Variants in CTNNA3 observed in about 807,000 individuals in gnomAD.
The protein encoded by CTNNA3 is catenin alpha 3.
Under a neutral mutation model 95.7 loss-of-function variants are expected in CTNNA3, and 76 were observed. That is an observed-to-expected ratio of 0.79 (90% CI 0.66 to 0.96). CTNNA3 has a LOEUF of 0.96. CTNNA3 is among the 40% of genes least tolerant of loss of function. The pLI is 0.00. For synonymous variants in CTNNA3, 431 were observed against 374.4 expected, an observed-to-expected ratio of 1.15 and a Z score of -1.74; for missense variants, 1,191 against 1,089.8, an observed-to-expected ratio of 1.09 and a Z score of -1.31.
At chr10:66,361,193 C>G (rs2092671760) in intron 12 of CTNNA3, among the ~76,000 whole-genome samples, 2 of 150,568 alleles carry the variant, frequency 1.3e-5, no homozygotes, top group South Asian at 2.1e-4. Context: ...GGTCTCGAAC[C>G]CCTGGGCTCA....
rs568787703 is a variant in CTNNA3 at position 66,872,056 on chromosome 10, A to G, written c.1048-96532T>C. ...ATTCATTTTATAGCCCAATGAAAAT[A>G]GGTGATTTTATAACAAAACCCTCCG... On this transcript the variant is annotated intron_variant, in intron 7 of 17. Transcript: ENST00000433211. 3.5e-4 allele frequency among the ~76,000 whole-genome samples: 54 copies of G among 152,368 alleles called. 1 individual carries two copies. Among genetic ancestry groups the G allele is most frequent in the African/African-American group, 1.2e-3 (49 of 41,592 alleles).
intron 7 of CTNNA3, among the ~76,000 whole-genome samples, chr10:66,931,192 T>TAA (rs3056552): frequency 0.53 from 62,575 of 118,432 alleles, 18,182 homozygotes; most frequent in Non-Finnish European, 0.64. Flanking sequence ...TGACAACAGT[T>TAA]AAAAAAAAAA....
intron 11 of CTNNA3, among the ~76,000 whole-genome samples, chr10:66,475,961 C>T (rs574102567): frequency 4.6e-5 from 7 of 152,144 alleles, no homozygotes; most frequent in East Asian, 1.9e-4. Context: ...ATGGAATCAA[C>T]GCAAATGCCA....
chr10:66,338,189 C>G (rs186285914), intron 12 of CTNNA3, among the ~76,000 whole-genome samples: 1 of 151,878 alleles, frequency 6.6e-6, no homozygotes, highest in Non-Finnish European at 1.5e-5. Flanking sequence ...AAGTGAGAGA[C>G]GCCAGTCACA....
chr10:66,814,232 A>T (rs1453225204), intron 7 of CTNNA3, among the ~76,000 whole-genome samples: 2 of 147,876 alleles, frequency 1.4e-5, no homozygotes, highest in African/African-American at 5.0e-5. Flanking sequence ...GGGTGACATT[A>T]TTCCCAGAAG....
At chr10:66,403,082 C>A (rs182729099) in intron 11 of CTNNA3, among the ~76,000 whole-genome samples, 2 of 152,150 alleles carry the variant, frequency 1.3e-5, no homozygotes, top group East Asian at 3.9e-4. Flanking sequence ...TCAAGAAATC[C>A]CACCCTTTTA....
chr10:67,688,578 CAG>C (rs1008569439), intron 1 of CTNNA3, among the ~76,000 whole-genome samples: 18 of 152,134 alleles, frequency 1.2e-4, no homozygotes, highest in African/African-American at 4.3e-4. Flanking sequence ...TCTTTCCCAT[CAG>C]AGAGAGAATA....
rs1326268741 is a variant in CTNNA3 at position 67,587,227 on chromosome 10, G to GTGTC, written c.292+19629_292+19630insGACA. 4.0e-5 allele frequency among the ~76,000 whole-genome samples: 6 copies of GTGTC among 150,606 alleles called. 1 individual carries two copies. Among genetic ancestry groups the GTGTC allele is most frequent in the African/African-American group, 1.2e-4 (5 of 40,582 alleles). On this transcript the variant is annotated intron_variant, in intron 3 of 17. Coordinates refer to ENST00000433211, the MANE Select transcript of CTNNA3 (RefSeq NM_013266.4). ...TGTGTGTGTGTGTGTGTGTGTGTGT[G>GTGTC]TGTGTGTGTGTGTGTAGAGCCAGAG...
Position 66,318,276 on chromosome 10 carries a change from A to ATATATATGTGTGTG in CTNNA3, c.1733-37656_1733-37655insCACACACATATATA, listed in dbSNP as rs33943741. Among the ~76,000 whole-genome samples, 222 of 136,644 alleles carry ATATATATGTGTGTG rather than the reference A, an allele frequency of 1.6e-3. 2 individuals carry two copies. Among genetic ancestry groups the ATATATATGTGTGTG allele is most frequent in the South Asian group, 8.6e-3 (36 of 4,200 alleles). 89.6% of individuals were successfully genotyped at this position (136,644 alleles called of 152,430 possible). On this transcript the variant is annotated intron_variant, in intron 12 of 17. Coordinates refer to ENST00000433211, the MANE Select transcript of CTNNA3 (RefSeq NM_013266.4). ...GTTGCTGGGAGATATATATATATAT[A>ATATATATGTGTGTG]TGTGTGTGTGTGTGTGTGTGTGTGT...
At chr10:67,655,937 A>G (rs1436198359) in intron 1 of CTNNA3, among the ~76,000 whole-genome samples, 2 of 152,196 alleles carry the variant, frequency 1.3e-5, no homozygotes, top group Admixed American at 6.5e-5. Context: ...AAAAATCTAA[A>G]TCATCACAAG....
At chr10:66,751,387 G>C (rs962043183) in intron 9 of CTNNA3, among the ~76,000 whole-genome samples, 2 of 152,184 alleles carry the variant, frequency 1.3e-5, no homozygotes, top group Non-Finnish European at 2.9e-5. Context: ...TCCAGAAAGA[G>C]TTTTTTAGTC....
intron 7 of CTNNA3, among the ~76,000 whole-genome samples, chr10:67,039,880 A>G (rs1854288839): frequency 6.6e-6 from 1 of 152,174 alleles, no homozygotes; most frequent in Admixed American, 6.5e-5. Context: ...CTGAATACCT[A>G]TGACCTCAAT....
intron 9 of CTNNA3, among the ~76,000 whole-genome samples, chr10:66,704,304 C>T (rs1490085562): frequency 6.6e-6 from 1 of 152,134 alleles, no homozygotes. Context: ...TCTTCTTCAA[C>T]AGTTTGACTT....
chr10:66,802,009 C>T (rs969088026), intron 7 of CTNNA3, among the ~76,000 whole-genome samples: 9 of 151,554 alleles, frequency 5.9e-5, no homozygotes, highest in African/African-American at 2.2e-4. Context: ...AATAAGTCTT[C>T]AATATGTGGT....
chr10:66,564,988 G>A (rs1027410640), intron 10 of CTNNA3, among the ~76,000 whole-genome samples: 9 of 152,224 alleles, frequency 5.9e-5, no homozygotes, highest in South Asian at 2.1e-4. Flanking sequence ...TCTGCCTTTC[G>A]TATGCATATA....
intron 9 of CTNNA3, among the ~76,000 whole-genome samples, chr10:66,691,433 G>C (rs1230425372): frequency 6.6e-6 from 1 of 152,188 alleles, no homozygotes; most frequent in Non-Finnish European, 1.5e-5. Context: ...GCCCAGGCTT[G>C]CTTAGGTAAA....
chr10:66,618,593 A>G (rs1348930549), intron 10 of CTNNA3, among the ~76,000 whole-genome samples: 5 of 152,198 alleles, frequency 3.3e-5, no homozygotes, highest in Non-Finnish European at 7.3e-5. Flanking sequence ...GTTAGACCTA[A>G]AACCATAAAA....
At chr10:67,492,105 T>TA (rs1848668239) in intron 5 of CTNNA3, among the ~76,000 whole-genome samples, 1 of 151,808 alleles carries the variant, frequency 6.6e-6, no homozygotes, top group Non-Finnish European at 1.5e-5. Flanking sequence ...TTTTACTCTA[T>TA]AGAGTATACA....
chr10:67,354,794 G>A (rs1005851871), intron 5 of CTNNA3, among the ~76,000 whole-genome samples: 1 of 151,916 alleles, frequency 6.6e-6, no homozygotes, highest in African/African-American at 2.4e-5. Context: ...ACAACAATGG[G>A]TAGGTCCCAT....
Sources: gnomAD v4.1 joint callset for allele counts (sites outside exome capture counted in the v4.1 genomes callset) on GRCh38, gnomAD v4.1.1 for gene constraint, MANE v1.5 for transcripts, NCBI Gene and HGNC (gene_info 2026-07-23, HGNC 2026-07-21) for gene names.